ZNF143: variants seen among roughly 807,000 people sequenced by gnomAD.
The protein encoded by ZNF143 is SPH-binding factor.
A neutral mutation model predicts 74.1 loss-of-function variants in ZNF143; 49 were observed. The ratio of observed to expected loss-of-function variants is 0.66; its 90% CI spans 0.53 to 0.84. The LOEUF is 0.84. ZNF143 is among the 40% of genes least tolerant of loss of function. The probability of loss-of-function intolerance (pLI) is 0.00; values close to 1 mark genes in which losing one functional copy is unlikely to be tolerated. For synonymous variants in ZNF143, 304 were observed against 282.8 expected, an observed-to-expected ratio of 1.07 and a Z score of -0.75; for missense variants, 637 against 793.4, an observed-to-expected ratio of 0.80 and a Z score of 2.37.
chr11:9,516,317 G>T lies in ZNF143; in HGVS notation c.1641G>T (p.Thr547=). The part of the protein sequence containing the change: ...AHDAVISSAG[T]HSVAMVTAEG... ...ATGCAGTCATCTCCTCAGCAGGAAC[G>T]CACTCTGTTGCTATGGTTACTGCTG... Residue 547 remains threonine (T), a synonymous_variant, in exon 14 of 16, where the codon ACG becomes ACT. Transcript: ENST00000396602. 1 of 1,613,806 alleles carries T rather than the reference G, an allele frequency of 6.2e-7. No homozygotes were observed. Among genetic ancestry groups the T allele is most frequent in the African/African-American group, 1.3e-5 (1 of 75,046 alleles).
Position 9,516,368 on chromosome 11 carries a change from T to C in ZNF143, c.1686+6T>C, listed in dbSNP as rs1848724332. The C allele has an allele frequency of 6.2e-7, 1 of 1,603,892 alleles. No individual in the cohort carries two copies. The stretch of plus-strand genomic sequence containing the variant: ...AGGGTACAGAAGGGGAACAGGTAAT[T>C]ACTTTTTTCTGTTATGTCAATCAAT... On this transcript the variant is annotated splice_donor_region_variant and intron_variant, in intron 14 of 15. Transcript: ENST00000396602.
At chr11:9,462,534 G>A (rs1319150130) in intron 1 of ZNF143, among the ~76,000 whole-genome samples, 3 of 151,208 alleles carry the variant, frequency 2.0e-5, no homozygotes, top group African/African-American at 4.9e-5. Context: ...CTGTACTCCC[G>A]TCTGGGTGAC....
In ZNF143 at chr11:9,525,131, G is replaced by A. The variant is rs149319792; in HGVS notation, c.1687-109G>A. The A allele has an allele frequency of 3.2e-6, 4 of 1,265,734 alleles. No individual in the cohort carries two copies. The Admixed American group carries it at 6.2e-5, about 20-fold the overall frequency. The allele number at this position is 1,265,734 out of a possible 1,614,324, so 78.4% of individuals were successfully genotyped here. On this transcript the variant is annotated intron_variant, in intron 14 of 15. Coordinates refer to ENST00000396602, the MANE Select transcript of ZNF143 (RefSeq NM_003442.6). ...GGCTTTGACAAGTCTATGGTCAGAG[G>A]AGTTTTTCCTTTTCAATTTGAAGAA...
intron 1 of ZNF143, among the ~76,000 whole-genome samples, chr11:9,465,666 A>ATTTT (rs147781124): frequency 8.5e-5 from 11 of 129,406 alleles, no homozygotes; most frequent in African/African-American, 2.9e-4. Context: ...CGCCTGGCTA[A>ATTTT]TTTTTTTTTT....
intron 1 of ZNF143, among the ~76,000 whole-genome samples, chr11:9,469,024 C>G (rs1415050847): frequency 6.6e-6 from 1 of 151,416 alleles, no homozygotes; most frequent in Non-Finnish European, 1.5e-5. Flanking sequence ...ATCCCAGTTA[C>G]TCGGGAGGCT....
intron 14 of ZNF143, among the ~76,000 whole-genome samples, chr11:9,523,563 G>C (rs10770038): frequency 0.77 from 115,894 of 151,292 alleles, 45,078 homozygotes; most frequent in Middle Eastern, 0.86. Flanking sequence ...GAAACCCCGT[G>C]TCTACTAAAA....
intron 1 of ZNF143, among the ~76,000 whole-genome samples, chr11:9,462,429 C>T (rs1855921297): frequency 6.6e-6 from 1 of 151,946 alleles, no homozygotes; most frequent in Non-Finnish European, 1.5e-5. Context: ...TAAGTGAAAT[C>T]AGCGTGTGCC....
At chr11:9,492,217 T>A (rs1847809274) in intron 7 of ZNF143, among the ~76,000 whole-genome samples, 1 of 151,346 alleles carries the variant, frequency 6.6e-6, no homozygotes, top group Non-Finnish European at 1.5e-5. Flanking sequence ...TTCAAGCAAT[T>A]CTCCTGCCGC....
At chr11:9,523,784 A>G (rs1849026495) in intron 14 of ZNF143, among the ~76,000 whole-genome samples, 2 of 151,744 alleles carry the variant, frequency 1.3e-5, no homozygotes, top group African/African-American at 4.8e-5. Flanking sequence ...GCGGGGGCTC[A>G]CGTCTGTAAT....
intron 1 of ZNF143, among the ~76,000 whole-genome samples, chr11:9,466,605 C>T (rs7102473): frequency 0.59 from 89,577 of 151,556 alleles, 27,047 homozygotes; most frequent in Non-Finnish European, 0.67. Context: ...ATAATTTTTT[C>T]CTTTTTTTTA....
intron 1 of ZNF143, among the ~76,000 whole-genome samples, chr11:9,468,992 G>A (rs1485341432): frequency 6.6e-6 from 1 of 151,804 alleles, no homozygotes; most frequent in Non-Finnish European, 1.5e-5. Context: ...AAATGAGCCA[G>A]GTGTGGTGGC....
chr11:9,515,319 A>C (rs11601316), intron 13 of ZNF143, among the ~76,000 whole-genome samples: 51,788 of 151,870 alleles, frequency 0.34, 10,107 homozygotes, highest in Non-Finnish European at 0.44. Context: ...AAGGATCTAA[A>C]TTAGCAACAG....
intron 14 of ZNF143, among the ~76,000 whole-genome samples, chr11:9,519,406 A>G (rs1271678703): frequency 1.3e-5 from 2 of 152,104 alleles, no homozygotes; most frequent in East Asian, 1.9e-4. Context: ...TCGGCCTCCC[A>G]AAGTGCTAGG....
At chr11:9,471,536 T>C in intron 2 of ZNF143, 116 bp downstream of exon 2, 1 of 692,028 alleles carries the variant, frequency 1.4e-6, no homozygotes, top group Non-Finnish European at 2.2e-6. Context: ...CTAGGTCTTT[T>C]TATGAGGTGT....
At chr11:9,495,027 A>G (rs1424471132) in intron 8 of ZNF143, among the ~76,000 whole-genome samples, 2 of 152,218 alleles carry the variant, frequency 1.3e-5, no homozygotes, top group Non-Finnish European at 2.9e-5. Flanking sequence ...GGTACTCTAC[A>G]TATTTGAATA....
At chr11:9,522,279 G>A (rs1848959425) in intron 14 of ZNF143, among the ~76,000 whole-genome samples, 1 of 152,118 alleles carries the variant, frequency 6.6e-6, no homozygotes, top group Admixed American at 6.5e-5. Flanking sequence ...TGAGGCAAGT[G>A]TTCCCGAGTA....
chr11:9,486,423 TA>T (rs1565039299), intron 7 of ZNF143, among the ~76,000 whole-genome samples: 1 of 38,084 alleles, frequency 2.6e-5, no homozygotes, highest in Non-Finnish European at 5.2e-5. Flanking sequence ...ATATATATTA[TA>T]TATATTATAT....
chr11:9,526,745 A>G (rs891699386), intron 15 of ZNF143, among the ~76,000 whole-genome samples: 3 of 152,090 alleles, frequency 2.0e-5, no homozygotes, highest in African/African-American at 7.2e-5. Context: ...GCCAGACTGT[A>G]TGAAGATTTT....
rs903501885 is a variant in ZNF143 at position 9,508,945 on chromosome 11, C to G, written c.1375+99C>G. The G allele has an allele frequency of 4.9e-6, 6 of 1,224,300 alleles. No individual in the cohort carries two copies. In the Admixed American group the frequency reaches 1.3e-4, roughly 26 times the overall value. 75.8% of individuals were successfully genotyped at this position (1,224,300 alleles called of 1,614,324 possible). On this transcript the variant is annotated intron_variant, in intron 12 of 15. Transcript: ENST00000396602. ...AGCATTTTCTGAAATCCTAATGTGT[C>G]ATTCGTATAATCACATAAACATAAT...
Sources: gnomAD v4.1 joint callset for allele counts (sites outside exome capture counted in the v4.1 genomes callset) on GRCh38, gnomAD v4.1.1 for gene constraint, MANE v1.5 for transcripts, NCBI Gene and HGNC (gene_info 2026-07-23, HGNC 2026-07-21) for gene names.